WWOX: variants seen among roughly 807,000 people sequenced by gnomAD.
WWOX encodes WW domain containing oxidoreductase.
In WWOX, 69 loss-of-function variants were observed where a neutral mutation model predicts 46.2. The observed-to-expected ratio is 1.49, with a 90% CI of 1.23 to 1.82. The LOEUF is 1.82. WWOX is among the 40% of genes most tolerant of loss of function. WWOX has a pLI of 0.00. For missense variants in WWOX, 919 were observed against 542.6 expected (o/e 1.69, Z -6.89); for synonymous variants, 359 against 202.6 (o/e 1.77, Z -6.56).
At chr16:79,192,999 G>T (rs567212599) in intron 8 of WWOX, among the ~76,000 whole-genome samples, 2 of 152,132 alleles carry the variant, frequency 1.3e-5, no homozygotes, top group Non-Finnish European at 2.9e-5. Flanking sequence ...CTTCTCTTTG[G>T]CTCACCAAAA....
At chr16:78,452,842 C>T (rs989171159) in intron 8 of WWOX, among the ~76,000 whole-genome samples, 1 of 140,858 alleles carries the variant, frequency 7.1e-6, no homozygotes, top group Non-Finnish European at 1.5e-5. Context: ...TCCCCTATGG[C>T]TGCTATTGTT....
chr16:79,197,218 C>T (rs891906728), intron 8 of WWOX, among the ~76,000 whole-genome samples: 1 of 152,198 alleles, frequency 6.6e-6, no homozygotes, highest in African/African-American at 2.4e-5. Context: ...GTGCCTACCA[C>T]ATCCCAATGG....
chr16:78,834,656 A>T (rs534703478), intron 8 of WWOX, among the ~76,000 whole-genome samples: 1 of 152,294 alleles, frequency 6.6e-6, no homozygotes, highest in South Asian at 2.1e-4. Context: ...ATCTTTCTTG[A>T]ACATTCCACT....
chr16:78,330,942 A>G (rs1474012094), intron 5 of WWOX, among the ~76,000 whole-genome samples: 1 of 152,212 alleles, frequency 6.6e-6, no homozygotes, highest in Non-Finnish European at 1.5e-5. Flanking sequence ...ACACAACCTC[A>G]TAATACAAAT....
At chr16:78,109,578 A>C (rs528248665) in intron 2 of WWOX, among the ~76,000 whole-genome samples, 200 bp from the exon 3 acceptor site, 52 of 152,198 alleles carry the variant, frequency 3.4e-4, no homozygotes, top group African/African-American at 1.2e-3. Context: ...AAGAGGCAAA[A>C]ATGTGGAGCC....
chr16:78,697,654 C>T (rs968515795), intron 8 of WWOX, among the ~76,000 whole-genome samples: 3 of 152,102 alleles, frequency 2.0e-5, no homozygotes, highest in African/African-American at 7.2e-5. Context: ...AAAAAATGCT[C>T]AACATCACTA....
At chr16:78,712,078 C>T (rs909781638) in intron 8 of WWOX, among the ~76,000 whole-genome samples, 1 of 152,124 alleles carries the variant, frequency 6.6e-6, no homozygotes, top group East Asian at 1.9e-4. Flanking sequence ...TTATAGATGT[C>T]TTATATCCAT....
chr16:79,078,222 T>A (rs1369547041), intron 8 of WWOX: 1 of 152,180 alleles, frequency 6.6e-6, no homozygotes, highest in Non-Finnish European at 1.5e-5. Context: ...GGCTCCAGTA[T>A]TTTTCTAGGT....
intron 8 of WWOX, among the ~76,000 whole-genome samples, chr16:78,994,779 G>A (rs1485445089): frequency 2.0e-5 from 3 of 152,102 alleles, no homozygotes; most frequent in African/African-American, 7.2e-5. Context: ...TTGGAGCGGA[G>A]CTGGTACGAC....
At chr16:79,137,725 C>T (rs1457591752) in intron 8 of WWOX, among the ~76,000 whole-genome samples, 3 of 152,072 alleles carry the variant, frequency 2.0e-5, no homozygotes, top group African/African-American at 7.2e-5. Context: ...CCCCTTCCTG[C>T]CCCCACTCCT....
intron 8 of WWOX, among the ~76,000 whole-genome samples, chr16:79,113,822 G>A (rs1032417349): frequency 6.6e-6 from 1 of 152,238 alleles, no homozygotes; most frequent in African/African-American, 2.4e-5. Flanking sequence ...TTAAACACCA[G>A]ATGCGAAGAG....
In WWOX at chr16:78,231,798, A is replaced by G. The variant is rs890409164; in HGVS notation, c.516+67509A>G. ...AGGAACGGGTCCCATCTTGATTTCAATGTCTTTTTTGAGGAGGCCTTCCCA... is the reference window on the plus strand; with the variant it reads ...AGGAACGGGTCCCATCTTGATTTCAGTGTCTTTTTTGAGGAGGCCTTCCCA... On this transcript the variant is annotated intron_variant, in intron 5 of 8. Coordinates refer to ENST00000566780, the MANE Select transcript of WWOX (RefSeq NM_016373.4). 3.9e-5 allele frequency among the ~76,000 whole-genome samples: 6 copies of G among 152,118 alleles called. No homozygotes were observed. The East Asian group carries it at 7.7e-4, about 20-fold the overall frequency.
chr16:78,578,085 C>A (rs1055760878), intron 8 of WWOX, among the ~76,000 whole-genome samples: 1 of 151,252 alleles, frequency 6.6e-6, no homozygotes, highest in Admixed American at 6.6e-5. Flanking sequence ...CACCTGCTTC[C>A]GAAAGTACTT....
At chr16:78,433,598 T>G (rs1007790372) in intron 8 of WWOX, among the ~76,000 whole-genome samples, 2 of 152,130 alleles carry the variant, frequency 1.3e-5, no homozygotes, top group African/African-American at 4.8e-5. Context: ...CTTTTAGCGA[T>G]ATCACAGGCC....
intron 8 of WWOX, among the ~76,000 whole-genome samples, chr16:78,762,170 G>T (rs762503903): frequency 6.6e-6 from 1 of 152,156 alleles, no homozygotes; most frequent in African/African-American, 2.4e-5. Flanking sequence ...CAAAAGTGGT[G>T]AATTGATTTG....
chr16:79,028,972 A>T (rs928578586), intron 8 of WWOX, among the ~76,000 whole-genome samples: 1 of 151,838 alleles, frequency 6.6e-6, no homozygotes, highest in Non-Finnish European at 1.5e-5. Flanking sequence ...TACCTATGCT[A>T]TGTGGAGAAC....
At chr16:78,365,040 G>A (rs74775056) in intron 5 of WWOX, among the ~76,000 whole-genome samples, 4 of 152,132 alleles carry the variant, frequency 2.6e-5, no homozygotes, top group African/African-American at 7.2e-5. Context: ...CTTTGGGGCC[G>A]GTTAGACTTG....
chr16:78,803,704 C>A (rs1186061841), intron 8 of WWOX, among the ~76,000 whole-genome samples: 1 of 152,102 alleles, frequency 6.6e-6, no homozygotes, highest in Non-Finnish European at 1.5e-5. Context: ...AGCAGTCTTC[C>A]CACCCTGGCC....
intron 8 of WWOX, among the ~76,000 whole-genome samples, chr16:78,951,973 A>C (rs114868535): frequency 4.6e-5 from 7 of 152,164 alleles, no homozygotes; most frequent in Admixed American, 1.3e-4. Flanking sequence ...TTGAGACCCA[A>C]ATGTGAGTAT....
Sources: allele counts gnomAD v4.1 joint callset (sites outside exome capture counted in the v4.1 genomes callset), GRCh38; gene constraint gnomAD v4.1.1; transcripts MANE v1.5; gene names NCBI Gene and HGNC (gene_info 2026-07-23, HGNC 2026-07-21).